PDE8A: variants seen among roughly 807,000 people sequenced by gnomAD.
PDE8A encodes the protein phosphodiesterase 8A.
Under a neutral mutation model 105.0 loss-of-function variants are expected in PDE8A, and 59 were observed. That is an observed-to-expected ratio of 0.56 (90% CI 0.46 to 0.70). PDE8A has a LOEUF of 0.70. Ranked by LOEUF, PDE8A falls within the 30% of genes least tolerant of loss-of-function variation. PDE8A has a pLI of 0.00. For missense variants in PDE8A, 1,014 were observed against 1,045.9 expected, an observed-to-expected ratio of 0.97 and a Z score of 0.42; for synonymous variants, 355 against 371.9, an observed-to-expected ratio of 0.95 and a Z score of 0.52.
At position 85,126,413 on chromosome 15, in the gene PDE8A, G is replaced by A. The variant is rs777943904; in HGVS notation, c.2253+39G>A. Reference sequence around the variant, plus strand: ...TCTTTTAAGTTTCTAGAGAGAGAGAGAGTTAAAACCCATAAAATCATACGA... The same window carrying A: ...TCTTTTAAGTTTCTAGAGAGAGAGAAAGTTAAAACCCATAAAATCATACGA... On this transcript the variant is annotated intron_variant, in intron 20 of 21. Transcript: ENST00000394553. The A allele has an allele frequency of 2.2e-6, 3 of 1,391,884 alleles. No individual in the cohort carries two copies. In the African/African-American group the frequency reaches 4.4e-5, roughly 20 times the overall value. The allele number at this position is 1,391,884 out of a possible 1,614,324, so 86.2% of individuals were successfully genotyped here. A position where few individuals can be genotyped will look rare whatever the true frequency, so the allele number is the denominator to read the frequency against.
chr15:85,058,140 G>A (rs2081091196), intron 1 of PDE8A, among the ~76,000 whole-genome samples: 1 of 152,116 alleles, frequency 6.6e-6, no homozygotes, highest in Non-Finnish European at 1.5e-5. Flanking sequence ...GAATGTAGTG[G>A]CACAGTCTTG....
intron 1 of PDE8A, chr15:85,062,681 T>A (rs984125614): frequency 5.3e-5 from 8 of 152,234 alleles, no homozygotes; most frequent in African/African-American, 1.9e-4. Context: ...TAGGAACACA[T>A]GCACAGCTGC....
intron 19 of PDE8A, 108 bp downstream of exon 19, chr15:85,123,301 GTCTA>G: frequency 1.1e-6 from 1 of 934,678 alleles, no homozygotes; most frequent in South Asian, 1.5e-5. Flanking sequence ...CCCTCAGTGA[GTCTA>G]TTAGACTCTT....
chr15:85,023,745 GT>G (rs2080467277), intron 1 of PDE8A, among the ~76,000 whole-genome samples: 1 of 152,154 alleles, frequency 6.6e-6, no homozygotes, highest in Non-Finnish European at 1.5e-5. Context: ...CTTGAAATTG[GT>G]GGATGGGTTA....
At chr15:85,036,946 G>A (rs2080716985) in intron 1 of PDE8A, among the ~76,000 whole-genome samples, 1 of 152,096 alleles carries the variant, frequency 6.6e-6, no homozygotes, top group Admixed American at 6.5e-5. Context: ...GAGGGAGATA[G>A]AACAGTCCCC....
At chr15:84,995,857 T>C (rs2079967267) in intron 1 of PDE8A, among the ~76,000 whole-genome samples, 1 of 152,222 alleles carries the variant, frequency 6.6e-6, no homozygotes, top group Non-Finnish European at 1.5e-5. Flanking sequence ...TTTTATTTCA[T>C]AAGGAGCATG....
intron 2 of PDE8A, among the ~76,000 whole-genome samples, chr15:85,066,487 C>A (rs1410529470): frequency 1.3e-5 from 2 of 151,834 alleles, no homozygotes; most frequent in Admixed American, 6.6e-5. Flanking sequence ...ACACTGGAAC[C>A]CTGGAGGTGG....
intron 7 of PDE8A, 120 bp from the exon 8 acceptor site, chr15:85,090,924 C>T: frequency 1.2e-6 from 1 of 804,326 alleles, no homozygotes; most frequent in Non-Finnish European, 2.0e-6. Context: ...CGGTGAGGTC[C>T]AGGCTCCTGA....
chr15:85,138,091 G>T lies in PDE8A; in HGVS notation c.*188G>T. 1.9e-6 allele frequency: 1 copy of T among 529,940 alleles called. No homozygotes were observed. The highest frequency in any genetic ancestry group is 1.9e-5 in the African/African-American group (1 of 52,726). 32.8% of individuals were successfully genotyped at this position (529,940 alleles called of 1,614,324 possible). A position where few individuals can be genotyped will look rare whatever the true frequency, so the allele number is the denominator to read the frequency against. On this transcript the variant is annotated 3_prime_UTR_variant, in exon 22 of 22. Coordinates refer to ENST00000394553, the MANE Select transcript of PDE8A (RefSeq NM_002605.3). Reference sequence around the variant, plus strand: ...ATCCAATGCCATTACTGTCAAGTGAGACTTGGCCACTGTAGCCTGGGCCTG... The same window carrying T: ...ATCCAATGCCATTACTGTCAAGTGATACTTGGCCACTGTAGCCTGGGCCTG...
chr15:85,013,899 A>G (rs1301215084), intron 1 of PDE8A, among the ~76,000 whole-genome samples: 1 of 152,120 alleles, frequency 6.6e-6, no homozygotes, highest in Non-Finnish European at 1.5e-5. Flanking sequence ...GAAAGGCCCA[A>G]TTCCTCTCCA....
chr15:85,075,326 C>T (rs1433119402), intron 3 of PDE8A, among the ~76,000 whole-genome samples: 2 of 151,982 alleles, frequency 1.3e-5, no homozygotes, highest in Non-Finnish European at 1.5e-5. Context: ...TCTTTCTGAC[C>T]GATTACAATA....
chr15:85,067,395 T>G (rs1216644171), intron 3 of PDE8A, among the ~76,000 whole-genome samples, 191 bp downstream of exon 3: 1 of 152,220 alleles, frequency 6.6e-6, no homozygotes, highest in Non-Finnish European at 1.5e-5. Context: ...TTCACTTTAC[T>G]TGAAACAGTA....
intron 16 of PDE8A, 140 bp downstream of exon 16, chr15:85,116,259 G>C: frequency 1.3e-6 from 1 of 762,336 alleles, no homozygotes; most frequent in Non-Finnish European, 2.1e-6. Context: ...CAGGGCACCA[G>C]GTGGCTCTGA....
chr15:85,068,126 C>T (rs1440617710), intron 3 of PDE8A, among the ~76,000 whole-genome samples: 1 of 152,094 alleles, frequency 6.6e-6, no homozygotes, highest in Non-Finnish European at 1.5e-5. Flanking sequence ...CTGCAACCTC[C>T]ACCTCCAGGG....
chr15:85,040,004 G>A (rs1332071497), intron 1 of PDE8A, among the ~76,000 whole-genome samples: 1 of 152,120 alleles, frequency 6.6e-6, no homozygotes, highest in Non-Finnish European at 1.5e-5. Flanking sequence ...TAGATAGGAG[G>A]AATAAGTTCT....
Position 85,048,053 on chromosome 15 carries a change from A to G in PDE8A, c.187-16317A>G, listed in dbSNP as rs566318791. ...ATTTTGCCTCTCATTATAATTTAGC[A>G]GTAGTATCCTGTAAGTCTTACTACA... On this transcript the variant is annotated intron_variant, in intron 1 of 21. Transcript: ENST00000394553. 7.0e-4 allele frequency among the ~76,000 whole-genome samples: 106 copies of G among 152,344 alleles called. 1 individual carries two copies. The highest frequency in any genetic ancestry group is 3.1e-4 in the Non-Finnish European group (21 of 68,038).
chr15:85,084,159 G>C (rs541991339), intron 6 of PDE8A, among the ~76,000 whole-genome samples: 3 of 151,950 alleles, frequency 2.0e-5, no homozygotes, highest in African/African-American at 7.3e-5. Context: ...GAAAAATAAA[G>C]TCAGCAGCTT....
intron 1 of PDE8A, among the ~76,000 whole-genome samples, chr15:85,044,331 C>T (rs1203243207): frequency 1.3e-5 from 2 of 150,090 alleles, no homozygotes; most frequent in Non-Finnish European, 3.0e-5. Flanking sequence ...TTTAAATCGA[C>T]TGATGGGAAA....
In PDE8A at chr15:85,008,131, CA is replaced by C. The variant is rs1158109725; in HGVS notation, c.186+25784del. ...TGAGCCTCAGGGTATCTAGGAGTGA[CA>C]GTGGGAGAGTCAGAAGCTGGCTCCC... On this transcript the variant is annotated intron_variant, in intron 1 of 21. Transcript: ENST00000394553. 4.6e-5 allele frequency among the ~76,000 whole-genome samples: 7 copies of C among 151,822 alleles called. No homozygotes were observed. In the East Asian group the frequency reaches 9.7e-4, roughly 21 times the overall value.
Sources: gnomAD v4.1 joint callset for allele counts (sites outside exome capture counted in the v4.1 genomes callset) on GRCh38, gnomAD v4.1.1 for gene constraint, MANE v1.5 for transcripts, NCBI Gene and HGNC (gene_info 2026-07-23, HGNC 2026-07-21) for gene names.